The following PXDNL variants were observed in gnomAD, a reference collection of about 807,000 sequenced individuals.
PXDNL encodes probable oxidoreductase PXDNL.
PXDNL carries 145 observed loss-of-function variants against 150.8 expected under a neutral mutation model. That is an observed-to-expected ratio of 0.96 (90% CI 0.84 to 1.10). PXDNL has a LOEUF of 1.10. PXDNL is among the 50% of genes least tolerant of loss of function. The pLI, the probability that PXDNL is intolerant of heterozygous loss-of-function variation, is 0.00. For synonymous variants in PXDNL, 757 were observed against 725.7 expected, an observed-to-expected ratio of 1.04 and a Z score of -0.69; for missense variants, 2,087 against 1,873.9, an observed-to-expected ratio of 1.11 and a Z score of -2.10.
rs57092440 is a variant in PXDNL at position 51,361,937 on chromosome 8, C to CAAAAAAA, written c.3901+9929_3901+9935dup. Among the ~76,000 whole-genome samples the CAAAAAAA allele has an allele frequency of 2.6e-3, 152 of 58,068 alleles. 1 individual carries two copies. Among genetic ancestry groups the CAAAAAAA allele is most frequent in the African/African-American group, 5.7e-3 (81 of 14,258 alleles). 38.1% of individuals were successfully genotyped at this position (58,068 alleles called of 152,430 possible). On this transcript the variant is annotated intron_variant, in intron 19 of 22. Coordinates refer to ENST00000356297, the MANE Select transcript of PXDNL (RefSeq NM_144651.5). ...TGGGCAACAGAGTGAGATTCCATCT[C>CAAAAAAA]AAAAAAAAAAAAAAAAAAAAAAAAA... is the stretch of plus-strand genomic sequence containing the variant.
chr8:51,571,494 G>T (rs938513081), intron 3 of PXDNL, among the ~76,000 whole-genome samples: 1 of 151,742 alleles, frequency 6.6e-6, no homozygotes, highest in Admixed American at 6.6e-5. Flanking sequence ...GAGAGATTGT[G>T]CCCAACTGTA....
At chr8:51,356,419 G>A (rs1459862710) in intron 19 of PXDNL, among the ~76,000 whole-genome samples, 1 of 151,730 alleles carries the variant, frequency 6.6e-6, no homozygotes, top group Non-Finnish European at 1.5e-5. Context: ...AACCCGGGAG[G>A]TGGAGGTTGC....
chr8:51,412,971 AG>A (rs919645723), intron 15 of PXDNL, among the ~76,000 whole-genome samples, 178 bp downstream of exon 15: 2 of 152,214 alleles, frequency 1.3e-5, no homozygotes, highest in African/African-American at 4.8e-5. Context: ...ATGGGGAAGA[AG>A]TTTCCCCTTT....
rs534831130 is a variant in PXDNL at position 51,715,380 on chromosome 8, C to T, written c.165-60620G>A. ...GCAGAAAGACATGGCTAGTCATCAG[C>T]GAAGCAGGGACTTGAACTCTGACTG... On this transcript the variant is annotated intron_variant, in intron 1 of 22. Transcript: ENST00000356297. Among the ~76,000 whole-genome samples, 13 of 152,248 alleles carry T rather than the reference C, an allele frequency of 8.5e-5. No homozygotes were observed. The East Asian group carries it at 1.2e-3, about 14-fold the overall frequency.
chr8:51,686,351 G>A (rs1815872360), intron 1 of PXDNL, among the ~76,000 whole-genome samples: 1 of 152,188 alleles, frequency 6.6e-6, no homozygotes, highest in African/African-American at 2.4e-5. Context: ...GATTCATAGT[G>A]GCCATGAGCC....
rs1041306236 is a variant in PXDNL, at chr8:51,423,616, G to T, written c.1754C>A (p.Ser585Tyr). Residue 585 changes from serine to tyrosine, a missense_variant, in exon 14 of 23, where the codon TCT becomes TAT. Ser to Tyr is a moderately radical substitution (Grantham distance 144, BLOSUM62 -2). Transcript: ENST00000356297. Reference sequence around the variant, plus strand: ...CATGTTGGTCACAGCAAGGCCAAAAGAATTCCGAGCCACACATTCATATCT... The same window carrying T: ...CATGTTGGTCACAGCAAGGCCAAAATAATTCCGAGCCACACATTCATATCT... ...QGRYECVARN[S>Y]FGLAVTNMFL... 5 of 1,613,766 alleles carry T rather than the reference G, an allele frequency of 3.1e-6. No homozygotes were observed. The highest frequency in any genetic ancestry group is 1.3e-5 in the African/African-American group (1 of 75,016).
At chr8:51,424,260 T>C (rs147640529) in intron 13 of PXDNL, among the ~76,000 whole-genome samples, 1 of 152,016 alleles carries the variant, frequency 6.6e-6, no homozygotes, top group Non-Finnish European at 1.5e-5. Flanking sequence ...TTCTAGCTAC[T>C]CAGGAGGCTG....
intron 17 of PXDNL, among the ~76,000 whole-genome samples, chr8:51,381,371 TAA>T (rs1003578243): frequency 6.7e-6 from 1 of 148,948 alleles, no homozygotes; most frequent in African/African-American, 2.5e-5. Context: ...ATAAAATGAG[TAA>T]AAAAAAAAAT....
chr8:51,591,750 C>T (rs901300945), intron 3 of PXDNL, among the ~76,000 whole-genome samples: 1 of 152,034 alleles, frequency 6.6e-6, no homozygotes, highest in Admixed American at 6.5e-5. Flanking sequence ...TCCCGAGTAG[C>T]TGGGACTACA....
chr8:51,367,541 C>T (rs28629961), intron 19 of PXDNL, among the ~76,000 whole-genome samples: 1,989 of 152,126 alleles, frequency 0.013, 36 homozygotes, highest in African/African-American at 0.044. Flanking sequence ...AAGCCTATAT[C>T]CTGTACCTCA....
intron 5 of PXDNL, among the ~76,000 whole-genome samples, chr8:51,487,146 C>CA (rs1165801238): frequency 2.0e-5 from 3 of 151,584 alleles, no homozygotes; most frequent in East Asian, 1.9e-4. Context: ...GATGCTTGAT[C>CA]AAAAAAATAA....
At chr8:51,524,614 T>A (rs1459445954) in intron 4 of PXDNL, among the ~76,000 whole-genome samples, 1 of 152,206 alleles carries the variant, frequency 6.6e-6, no homozygotes, top group African/African-American at 2.4e-5. Flanking sequence ...AAACTTTTCT[T>A]ATGATGCCAC....
chr8:51,584,643 T>C (rs920959446), intron 3 of PXDNL, among the ~76,000 whole-genome samples: 1 of 152,138 alleles, frequency 6.6e-6, no homozygotes, highest in Non-Finnish European at 1.5e-5. Flanking sequence ...CAAGAGAGTA[T>C]GTGAAGGTGG....
At chr8:51,708,546 A>G (rs896377087) in intron 1 of PXDNL, among the ~76,000 whole-genome samples, 1 of 152,240 alleles carries the variant, frequency 6.6e-6, no homozygotes, top group African/African-American at 2.4e-5. Context: ...GAAGTGAAGT[A>G]CATCAGCAAT....
chr8:51,618,325 A>G (rs929319492), intron 2 of PXDNL, among the ~76,000 whole-genome samples: 4 of 152,266 alleles, frequency 2.6e-5, no homozygotes, highest in African/African-American at 9.6e-5. Flanking sequence ...TTGGACTTCA[A>G]TATACTTAAT....
chr8:51,583,972 G>T (rs1563473307), intron 3 of PXDNL, among the ~76,000 whole-genome samples: 1 of 152,094 alleles, frequency 6.6e-6, no homozygotes, highest in Non-Finnish European at 1.5e-5. Context: ...CCTTCCAGAG[G>T]TTCCTCAACT....
At chr8:51,425,020 G>A (rs960726356) in intron 13 of PXDNL, among the ~76,000 whole-genome samples, 4 of 152,220 alleles carry the variant, frequency 2.6e-5, no homozygotes, top group Admixed American at 6.5e-5. Flanking sequence ...ACAGGTCACA[G>A]GGCCTAGTAG....
At chr8:51,720,529 A>AT (rs200057712) in intron 1 of PXDNL, among the ~76,000 whole-genome samples, 1,614 of 152,220 alleles carry the variant, frequency 0.011, 25 homozygotes, top group African/African-American at 0.032. Flanking sequence ...TAGTATTTTT[A>AT]TTTTTATTAA....
intron 10 of PXDNL, among the ~76,000 whole-genome samples, chr8:51,450,882 G>C (rs577484923): frequency 6.6e-6 from 1 of 152,204 alleles, no homozygotes; most frequent in African/African-American, 2.4e-5. Context: ...GAGAATCTGG[G>C]CCGCTCAACC....
Sources: gnomAD v4.1 joint callset for allele counts (sites outside exome capture counted in the v4.1 genomes callset) on GRCh38, gnomAD v4.1.1 for gene constraint, MANE v1.5 for transcripts, NCBI Gene and HGNC (gene_info 2026-07-23, HGNC 2026-07-21) for gene names.